Variants in IL1RAPL1 observed in about 807,000 individuals in gnomAD.
IL1RAPL1 encodes the protein interleukin 1 receptor accessory protein like 1.
Under a neutral mutation model 48.4 loss-of-function variants are expected in IL1RAPL1, and 3 were observed. The ratio of observed to expected loss-of-function variants is 0.06; its 90% CI spans 0.03 to 0.16. The LOEUF (loss-of-function observed/expected upper bound fraction) is 0.16. IL1RAPL1 is among the 10% of genes least tolerant of loss of function. IL1RAPL1 has a pLI of 1.00. For synonymous variants in IL1RAPL1, 185 were observed against 187.7 expected (o/e 0.99, Z 0.12); for missense variants, 349 against 530.6 (o/e 0.66, Z 3.36).
At chrX:29,408,176 A>G (rs1210194189) in intron 5 of IL1RAPL1, among the ~76,000 whole-genome samples, 1 of 111,301 alleles carries the variant, frequency 9.0e-6, no homozygotes, top group East Asian at 2.8e-4. Flanking sequence ...ATAAATACCA[A>G]CTATGTAGAC....
intron 1 of IL1RAPL1, among the ~76,000 whole-genome samples, chrX:28,704,821 CACACACACACAAA>C (rs1935348957): frequency 2.1e-5 from 1 of 47,741 alleles, no homozygotes; most frequent in African/African-American, 1.2e-4. Context: ...CACACACACA[CACACACACACAAA>C]AAAAAAAAAA....
At chrX:29,252,318 G>T (rs182374749) in intron 2 of IL1RAPL1, among the ~76,000 whole-genome samples, 763 of 109,043 alleles carry the variant, frequency 7.0e-3, no homozygotes, top group East Asian at 0.039. Context: ...ATAGAGAAAA[G>T]ATGGAAGCAA....
chrX:29,918,447 G>A (rs1478979313), intron 7 of IL1RAPL1, among the ~76,000 whole-genome samples: 5 of 97,658 alleles, frequency 5.1e-5, no homozygotes, highest in African/African-American at 1.5e-4. Flanking sequence ...GGAGGTTGCA[G>A]TGAGCCGAGA....
chrX:29,812,949 C>T (rs1340962146), intron 6 of IL1RAPL1, among the ~76,000 whole-genome samples: 1 of 111,168 alleles, frequency 9.0e-6, no homozygotes, highest in Non-Finnish European at 1.9e-5. Context: ...ACCTGACAGG[C>T]GTTTGAATAG....
chrX:29,019,981 T>G (rs1926326986), intron 2 of IL1RAPL1, among the ~76,000 whole-genome samples: 1 of 112,344 alleles, frequency 8.9e-6, no homozygotes, highest in African/African-American at 3.2e-5. Flanking sequence ...ATCCATGAGT[T>G]CAGGTGTCAT....
At chrX:29,437,498 G>A (rs1454076383) in intron 5 of IL1RAPL1, among the ~76,000 whole-genome samples, 2 of 110,328 alleles carry the variant, frequency 1.8e-5, no homozygotes, top group Non-Finnish European at 3.8e-5. Flanking sequence ...GATTTTAGGG[G>A]GAAAACATTC....
Position 29,208,521 on chromosome X carries a change from C to T in IL1RAPL1, c.83-74417C>T, listed in dbSNP as rs745556098. On this transcript the variant is annotated intron_variant, in intron 2 of 10. Transcript: ENST00000378993. ...GGTCAGGAGATCGAGACCATCCTGG[C>T]TAACACGGTGAAACTCCATCTCTAC... 4.6e-5 allele frequency among the ~76,000 whole-genome samples: 5 copies of T among 109,173 alleles called. No homozygotes were observed. The South Asian group carries it at 1.2e-3, about 26-fold the overall frequency. 94.8% of individuals were successfully genotyped at this position (109,173 alleles called of 115,157 possible).
At chrX:29,657,738 A>T (rs574725771) in intron 5 of IL1RAPL1, among the ~76,000 whole-genome samples, 2 of 111,201 alleles carry the variant, frequency 1.8e-5, no homozygotes, top group South Asian at 7.5e-4. Flanking sequence ...CATTTTGCAT[A>T]CTGCCTCATT....
intron 1 of IL1RAPL1, among the ~76,000 whole-genome samples, chrX:28,749,714 CTT>C (rs1936018102): frequency 9.0e-6 from 1 of 110,797 alleles, no homozygotes; most frequent in Admixed American, 9.7e-5. Context: ...TCTCTTCACT[CTT>C]GTTTCTTTGG....
chrX:29,907,826 G>A (rs909788664), intron 6 of IL1RAPL1, among the ~76,000 whole-genome samples: 2 of 97,935 alleles, frequency 2.0e-5, no homozygotes, highest in African/African-American at 8.7e-5. Flanking sequence ...CATCTAAAAT[G>A]TAACTTGGGA....
chrX:28,668,404 A>G (rs1336352246), intron 1 of IL1RAPL1, among the ~76,000 whole-genome samples: 3 of 111,864 alleles, frequency 2.7e-5, no homozygotes, highest in South Asian at 3.7e-4. Context: ...TATTACAGGC[A>G]CACACCACCA....
chrX:29,802,779 ATATGTGTG>A (rs1454325295), intron 6 of IL1RAPL1, among the ~76,000 whole-genome samples: 2 of 22,367 alleles, frequency 8.9e-5, no homozygotes, highest in African/African-American at 2.4e-4. Flanking sequence ...ATATATATAT[ATATGTGTG>A]TGTGTATATA....
At chrX:28,975,030 TA>T (rs1244892412) in intron 2 of IL1RAPL1, among the ~76,000 whole-genome samples, 2 of 112,353 alleles carry the variant, frequency 1.8e-5, no homozygotes, top group African/African-American at 6.5e-5. Flanking sequence ...CATTCAATTA[TA>T]AATGTCAAGT....
At chrX:29,396,514 A>T in intron 4 of IL1RAPL1, 70 bp downstream of exon 4, 1 of 984,546 alleles carries the variant, frequency 1.0e-6, no homozygotes, top group Non-Finnish European at 1.5e-6. Flanking sequence ...GACAAATTGG[A>T]TAGAAAACTT....
intron 5 of IL1RAPL1, among the ~76,000 whole-genome samples, chrX:29,465,724 G>A (rs1308052249): frequency 9.0e-6 from 1 of 110,872 alleles, no homozygotes; most frequent in African/African-American, 3.3e-5. Context: ...TTTTAATTAG[G>A]TAGTTCTCAA....
In IL1RAPL1 at chrX:29,394,825, A is replaced by G. The variant is rs187359381; in HGVS notation, c.363-1433A>G. 9.8e-5 allele frequency among the ~76,000 whole-genome samples: 11 copies of G among 111,834 alleles called. No individual in the cohort carries two copies. The East Asian group carries it at 3.1e-3, about 31-fold the overall frequency. On this transcript the variant is annotated intron_variant, in intron 3 of 10. Coordinates refer to ENST00000378993, the MANE Select transcript of IL1RAPL1 (RefSeq NM_014271.4). ...TATTAAGTATCTTTCATCTAATTGTAGGCTAGGTATTATAGGAAGCTAGAG... is the reference window on the plus strand; with the variant it reads ...TATTAAGTATCTTTCATCTAATTGTGGGCTAGGTATTATAGGAAGCTAGAG...
At chrX:29,883,802 T>G (rs1049187971) in intron 6 of IL1RAPL1, among the ~76,000 whole-genome samples, 2 of 111,983 alleles carry the variant, frequency 1.8e-5, no homozygotes, top group Admixed American at 1.9e-4. Flanking sequence ...TATGATTGAG[T>G]TTTAAGAACT....
At chrX:28,826,810 A>C (rs1181125975) in intron 2 of IL1RAPL1, among the ~76,000 whole-genome samples, 1 of 110,858 alleles carries the variant, frequency 9.0e-6, no homozygotes, top group Non-Finnish European at 1.9e-5. Flanking sequence ...TATTGCAGAC[A>C]TGGATGTTTT....
At chrX:28,856,843 C>T (rs1268234820) in intron 2 of IL1RAPL1, among the ~76,000 whole-genome samples, 1 of 111,610 alleles carries the variant, frequency 9.0e-6, no homozygotes, top group African/African-American at 3.3e-5. Context: ...TCCATGTGTT[C>T]AAGTGAAAGA....
Sources: allele counts gnomAD v4.1 joint callset (sites outside exome capture counted in the v4.1 genomes callset), GRCh38; gene constraint gnomAD v4.1.1; transcripts MANE v1.5; gene names NCBI Gene and HGNC (gene_info 2026-07-23, HGNC 2026-07-21).